The following ZNF66 variants were observed in gnomAD, a reference collection of about 807,000 sequenced individuals.
ZNF66 encodes putative zinc finger protein 66.
ZNF66 carries 32 observed loss-of-function variants against 35.2 expected under a neutral mutation model. That is an observed-to-expected ratio of 0.91 (90% CI 0.69 to 1.22). The LOEUF is 1.22. ZNF66 is among the 50% of genes most tolerant of loss of function. ZNF66 has a pLI of 0.00. For synonymous variants in ZNF66, 231 were observed against 181.3 expected (o/e 1.27, Z -2.20); for missense variants, 666 against 543.1 (o/e 1.23, Z -2.25).
At chr19:20,797,213 T>TCAGTGTAGG (rs1167179610) in intron 3 of ZNF66, among the ~76,000 whole-genome samples, 42 of 107,496 alleles carry the variant, frequency 3.9e-4, no homozygotes, top group African/African-American at 1.6e-3. Flanking sequence ...TTTTTTTTTT[T>TCAGTGTAGG]TTTTTTTTTT....
In ZNF66 at chr19:20,806,152, G is replaced by T; in HGVS notation, c.552G>T (p.Arg184=). The change falls in exon 4 of 4, where the codon CGG becomes CGT. Residue 184 remains arginine (R), a synonymous_variant. Coordinates refer to ENST00000344519, the MANE Select transcript of ZNF66 (RefSeq NM_001355197.2). ...CAGAATGTGGCAAAGCTTTTAACCG[G>T]TCCTCAACCTTTACTACACATAAGA... The part of the protein sequence containing the change: ...KFTECGKAFN[R]SSTFTTHKKI... 8.5e-7 allele frequency: 1 copy of T among 1,180,986 alleles called. No homozygotes were observed. The highest frequency in any genetic ancestry group is 1.3e-6 in the Non-Finnish European group (1 of 788,096). The allele number at this position is 1,180,986 out of a possible 1,614,324, so 73.2% of individuals were successfully genotyped here.
intron 3 of ZNF66, 106 bp from the exon 4 acceptor site, chr19:20,805,721 A>G (rs753122613): frequency 3.7e-5 from 16 of 432,286 alleles, no homozygotes; most frequent in African/African-American, 3.1e-4. Flanking sequence ...ATATTTTGCT[A>G]CATCATCTTG....
rs772237966 is a variant in ZNF66, at chr19:20,806,832, C to T, written c.1232C>T (p.Pro411Leu). 1.3e-5 allele frequency: 17 copies of T among 1,315,406 alleles called. No individual in the cohort carries two copies. The highest frequency in any genetic ancestry group is 1.8e-5 in the Non-Finnish European group (16 of 912,442). 81.5% of individuals were successfully genotyped at this position (1,315,406 alleles called of 1,614,324 possible). The stretch of plus-strand genomic sequence containing the variant: ...GGCAAAGTGTTTAAGCACTCCTCTC[C>T]CCTTTCTAAACATAAGAGAATTCAT... Reference protein sequence around the residue: ...ECGKVFKHSSPLSKHKRIHTG... With the variant: ...ECGKVFKHSSLLSKHKRIHTG... Residue 411 changes from proline to leucine, a missense_variant, in exon 4 of 4, where the codon CCC (proline) becomes CTC (leucine). Transcript: ENST00000344519.
rs1378360827 is a variant in ZNF66, at chr19:20,806,059, C to T, written c.459C>T (p.Val153=). 1 of 846,270 alleles carries T rather than the reference C, an allele frequency of 1.2e-6. No homozygotes were observed. The allele number at this position is 846,270 out of a possible 1,614,324, so 52.4% of individuals were successfully genotyped here. ...TTCAATGTGATAAACATGGGAAAGTCTTTCATCAATTTTCAAATACAAACA... is the reference window on the plus strand; with the variant it reads ...TTCAATGTGATAAACATGGGAAAGTTTTTCATCAATTTTCAAATACAAACA... ...KMFQCDKHGK[V]FHQFSNTNRH... Residue 153 remains valine (V), a synonymous_variant, in exon 4 of 4, where the codon GTC becomes GTT. Transcript: ENST00000344519.
intron 1 of ZNF66, among the ~76,000 whole-genome samples, chr19:20,782,726 T>C (rs117587261): frequency 0.038 from 5,831 of 152,314 alleles, 115 homozygotes; most frequent in African/African-American, 0.053. Flanking sequence ...TTTGGTTTTT[T>C]CTTTTAAACT....
chr19:20,804,968 A>G (rs1971485418), intron 3 of ZNF66, among the ~76,000 whole-genome samples: 2 of 152,084 alleles, frequency 1.3e-5, no homozygotes, highest in South Asian at 4.2e-4. Context: ...TCCAACTTAT[A>G]TCGTCATTTC....
At chr19:20,805,126 T>TGAGAGAGAGAGAGAGA (rs60295293) in intron 3 of ZNF66, among the ~76,000 whole-genome samples, 80 of 146,076 alleles carry the variant, frequency 5.5e-4, no homozygotes, top group African/African-American at 1.9e-3. Flanking sequence ...TGTGTGTGTG[T>TGAGAGAGAGAGAGAGA]GAGAGAGAGA....
chr19:20,790,169 A>C (rs112577805), intron 1 of ZNF66, among the ~76,000 whole-genome samples: 101 of 152,402 alleles, frequency 6.6e-4, no homozygotes, highest in African/African-American at 2.4e-3. Flanking sequence ...TTAAAGCTTG[A>C]GAGGCAATGC....
chr19:20,804,234 T>G (rs12982816), intron 3 of ZNF66, among the ~76,000 whole-genome samples: 57,914 of 151,510 alleles, frequency 0.38, 11,620 homozygotes, highest in East Asian at 0.46. Context: ...TCAATTTATT[T>G]TATTTTATTT....
intron 1 of ZNF66, among the ~76,000 whole-genome samples, chr19:20,791,485 C>CAAAAAAAA (rs35269524): frequency 3.5e-5 from 2 of 57,326 alleles, no homozygotes; most frequent in Non-Finnish European, 8.0e-5. Flanking sequence ...GACTTAATCT[C>CAAAAAAAA]AAAAAAAAAA....
chr19:20,803,262 ATTGTT>A (rs1157069610), intron 3 of ZNF66, among the ~76,000 whole-genome samples: 2 of 150,842 alleles, frequency 1.3e-5, no homozygotes, highest in Admixed American at 1.3e-4. Flanking sequence ...AACTTATTTT[ATTGTT>A]TTATTTTATT....
rs145635893 is a variant in ZNF66, at chr19:20,809,153, A to G, written c.*1831A>G. ...TAGAGAAAAAAAATTAAAAAGAAAC[A>G]AAGTCTCCAAGAAATATGGGACTAT... On this transcript the variant is annotated 3_prime_UTR_variant, in exon 4 of 4. Coordinates refer to ENST00000344519, the MANE Select transcript of ZNF66 (RefSeq NM_001355197.2). 4.6e-5 allele frequency among the ~76,000 whole-genome samples: 7 copies of G among 152,144 alleles called. No individual in the cohort carries two copies. The East Asian group carries it at 1.4e-3, about 29-fold the overall frequency.
intron 3 of ZNF66, among the ~76,000 whole-genome samples, chr19:20,798,760 A>G (rs1020618340): frequency 2.0e-5 from 3 of 152,208 alleles, no homozygotes; most frequent in Admixed American, 1.3e-4. Context: ...GATATCTCAT[A>G]TAAGTGGAAT....
intron 3 of ZNF66, chr19:20,799,061 C>CTTTTTTTTTTTTTTTTTTTTTTTTTT (rs374547894): frequency 1.7e-5 from 2 of 116,702 alleles, no homozygotes; most frequent in African/African-American, 3.3e-5. Flanking sequence ...CTTTTTCTTT[C>CTTTTTTTTTTTTTTTTTTTTTTTTTT]TTTCTTTTTT....
intron 3 of ZNF66, among the ~76,000 whole-genome samples, chr19:20,801,022 T>C (rs1393247110): frequency 6.6e-6 from 1 of 152,102 alleles, no homozygotes. Flanking sequence ...CACATATACA[T>C]ATAGATAGAT....
chr19:20,778,267 T>A (rs954533396), intron 1 of ZNF66, among the ~76,000 whole-genome samples: 2 of 152,040 alleles, frequency 1.3e-5, no homozygotes, highest in African/African-American at 4.8e-5. Context: ...GTCCAGCCAA[T>A]TTTTTTGTGT....
rs1017724827 is a variant in ZNF66, at chr19:20,809,006, A to C, written c.*1684A>C. 3.3e-5 allele frequency among the ~76,000 whole-genome samples: 5 copies of C among 152,236 alleles called. No individual in the cohort carries two copies. In the South Asian group the frequency reaches 8.3e-4, roughly 25 times the overall value. ...ATGCTTAAAGGAGCTGATGGAGCTG[A>C]AAGCCAAGGATCAAGAACTACGTGA... is the stretch of plus-strand genomic sequence containing the variant. On this transcript the variant is annotated 3_prime_UTR_variant, in exon 4 of 4. Coordinates refer to ENST00000344519, the MANE Select transcript of ZNF66 (RefSeq NM_001355197.2).
rs11882542 is a variant in ZNF66 at position 20,807,067 on chromosome 19, C to G, written c.1467C>G (p.Ala489=). Residue 489 remains alanine (A), a synonymous_variant, in exon 4 of 4, where the codon GCC becomes GCG. Coordinates refer to ENST00000344519, the MANE Select transcript of ZNF66 (RefSeq NM_001355197.2). ...ACAAATGTGAAGAATGTGGCAAGGC[C>G]TTTAAGTGCTCCTCTATTCTTACTA... ...KPYKCEECGK[A]FKCSSILTTH... The G allele has an allele frequency of 4.8e-5, 39 of 805,246 alleles. No homozygotes were observed. The highest frequency in any genetic ancestry group is 8.4e-5 in the Non-Finnish European group (38 of 449,804). 49.9% of individuals were successfully genotyped at this position (805,246 alleles called of 1,614,324 possible).
At chr19:20,800,159 G>C (rs1291215571) in intron 3 of ZNF66, among the ~76,000 whole-genome samples, 1 of 152,188 alleles carries the variant, frequency 6.6e-6, no homozygotes, top group African/African-American at 2.4e-5. Context: ...TAGGACTACA[G>C]ACATGCACTA....
Sources: gnomAD v4.1 joint callset for allele counts (sites outside exome capture counted in the v4.1 genomes callset) on GRCh38, gnomAD v4.1.1 for gene constraint, MANE v1.5 for transcripts, NCBI Gene and HGNC (gene_info 2026-07-23, HGNC 2026-07-21) for gene names.